ARHGEF3: variants seen among roughly 807,000 people sequenced by gnomAD.
The protein encoded by ARHGEF3 is 59.8 kDA protein.
Under a neutral mutation model 63.2 loss-of-function variants are expected in ARHGEF3, and 28 were observed. The observed-to-expected ratio is 0.44, with a 90% confidence interval of 0.33 to 0.61. The LOEUF is 0.61. Among genes scored for constraint, ARHGEF3 ranks in the 20% least tolerant of loss-of-function variants. The probability of loss-of-function intolerance (pLI) is 0.03; values close to 1 mark genes in which losing one functional copy is unlikely to be tolerated. For missense variants in ARHGEF3, 533 were observed against 659.3 expected, an observed-to-expected ratio of 0.81 and a Z score of 2.10; for synonymous variants, 266 against 254.2, an observed-to-expected ratio of 1.05 and a Z score of -0.44.
Position 56,729,223 on chromosome 3 carries a change from T to C in ARHGEF3, c.*47A>G, listed in dbSNP as rs371521696. On this transcript the variant is annotated 3_prime_UTR_variant, in exon 10 of 10. Transcript: ENST00000296315. ...CGTTCCATCTGTGGAATGCAAATAC[T>C]GTACAGGTAAGATGCAGGCCTGCTT... The C allele has an allele frequency of 4.7e-4, 715 of 1,518,400 alleles. 1 individual carries two copies. Among genetic ancestry groups the C allele is most frequent in the Non-Finnish European group, 6.0e-4 (671 of 1,117,734 alleles). The allele number at this position is 1,518,400 out of a possible 1,614,324, so 94.1% of individuals were successfully genotyped here.
chr3:57,056,115 C>G (rs375094433), intron 1 of ARHGEF3, among the ~76,000 whole-genome samples: 4 of 151,894 alleles, frequency 2.6e-5, no homozygotes, highest in African/African-American at 9.7e-5. Flanking sequence ...AGGCCGGGTG[C>G]GGTGGCTCAC....
At chr3:57,011,303 CT>C (rs1167838136) in intron 2 of ARHGEF3, among the ~76,000 whole-genome samples, 1 of 152,212 alleles carries the variant, frequency 6.6e-6, no homozygotes, top group African/African-American at 2.4e-5. Context: ...TTTTTCTGCC[CT>C]AGCGGTGAAC....
chr3:57,014,227 G>C (rs192051942), intron 2 of ARHGEF3, among the ~76,000 whole-genome samples: 1 of 152,180 alleles, frequency 6.6e-6, no homozygotes, highest in Non-Finnish European at 1.5e-5. Flanking sequence ...CTGAATATCC[G>C]AAGGAACAAA....
At chr3:56,759,174 A>ATTTTT (rs35855808) in intron 2 of ARHGEF3, among the ~76,000 whole-genome samples, 3 of 128,170 alleles carry the variant, frequency 2.3e-5, no homozygotes, top group Non-Finnish European at 5.0e-5. Flanking sequence ...AGAAAACTGA[A>ATTTTT]TTTTTTTTTT....
In ARHGEF3 at chr3:56,785,872, A is replaced by G. The variant is rs544725304; in HGVS notation, c.97-12056T>C. Among the ~76,000 whole-genome samples the G allele has an allele frequency of 3.3e-5, 5 of 152,346 alleles. No individual in the cohort carries two copies. In the East Asian group the frequency reaches 9.6e-4, roughly 29 times the overall value. On this transcript the variant is annotated intron_variant, in intron 1 of 9. Coordinates refer to ENST00000296315, the MANE Select transcript of ARHGEF3 (RefSeq NM_019555.3). The stretch of plus-strand genomic sequence containing the variant: ...ACTACAGGGACGTCTGACCAAGGGC[A>G]CTGGGTCTGCAGAAGAAAATGGATC...
At chr3:56,888,947 G>A (rs1164058593) in intron 3 of ARHGEF3, among the ~76,000 whole-genome samples, 1 of 151,922 alleles carries the variant, frequency 6.6e-6, no homozygotes, top group Non-Finnish European at 1.5e-5. Flanking sequence ...ATGACCAGGG[G>A]GTCCCTTTGC....
chr3:56,905,420 A>AT (rs1347862391), intron 3 of ARHGEF3, among the ~76,000 whole-genome samples: 1 of 152,202 alleles, frequency 6.6e-6, no homozygotes, highest in African/African-American at 2.4e-5. Context: ...GAAATAATCA[A>AT]TTTTTTTCAG....
At chr3:56,995,667 GAGA>G in intron 2 of ARHGEF3, among the ~76,000 whole-genome samples, 1 of 121,768 alleles carries the variant, frequency 8.2e-6, no homozygotes. Context: ...GAGAGAGAGA[GAGA>G]GAATTTTTTT....
At chr3:56,898,583 C>A in intron 3 of ARHGEF3, 1 of 268,436 alleles carries the variant, frequency 3.7e-6, no homozygotes, top group South Asian at 2.9e-5. Flanking sequence ...TAAAGCAGAT[C>A]CTGGAGCAAA....
chr3:56,775,492 G>GGTA lies in ARHGEF3; in HGVS notation c.97-1679_97-1677dup, dbSNP rs1423725534. 4.0e-6 allele frequency: 4 copies of GGTA among 997,686 alleles called. No individual in the cohort carries two copies. The African/African-American group carries it at 7.0e-5, about 17-fold the overall frequency. 61.8% of individuals were successfully genotyped at this position (997,686 alleles called of 1,614,324 possible). A position where few individuals can be genotyped will look rare whatever the true frequency, so the allele number is the denominator to read the frequency against. ...GACGGAGAATGCAACCAGGCTGCTG[G>GGTA]GTACCTCTCCAGCTTCTTAGCGTGC... On this transcript the variant is annotated intron_variant, in intron 1 of 9. Transcript: ENST00000296315.
chr3:56,908,054 A>G (rs1305249776), intron 3 of ARHGEF3, among the ~76,000 whole-genome samples: 1 of 152,180 alleles, frequency 6.6e-6, no homozygotes, highest in African/African-American at 2.4e-5. Context: ...CTACAAAGAA[A>G]AAGAGCCTCC....
intron 2 of ARHGEF3, among the ~76,000 whole-genome samples, chr3:56,967,461 T>TAC (rs1700587326): frequency 1.5e-5 from 1 of 65,652 alleles, no homozygotes; most frequent in Non-Finnish European, 2.5e-5. Context: ...ATACATATTA[T>TAC]ATATTATATA....
intron 3 of ARHGEF3, among the ~76,000 whole-genome samples, chr3:56,933,821 T>C (rs112313549): frequency 0.019 from 2,907 of 152,284 alleles, 68 homozygotes; most frequent in Non-Finnish European, 0.027. Flanking sequence ...TCCTCTCAAA[T>C]TGTAATCCCC....
rs567141389 is a variant in ARHGEF3, at chr3:57,069,412, T to C, written c.-28+9814A>G. On this transcript the variant is annotated intron_variant, in intron 1 of 12. Coordinates refer to the ARHGEF3 transcript ENST00000338458. ...ACACACACACACACACACACACACA[T>C]TGTTTGTTTAAAATGAGAGCTCCTC... Among the ~76,000 whole-genome samples the C allele has an allele frequency of 2.5e-3, 261 of 105,544 alleles. 5 individuals carry two copies. The highest frequency in any genetic ancestry group is 0.019 in the Admixed American group (220 of 11,486). 69.2% of individuals were successfully genotyped at this position (105,544 alleles called of 152,430 possible). A position where few individuals can be genotyped will look rare whatever the true frequency, so the allele number is the denominator to read the frequency against.
intron 6 of ARHGEF3, among the ~76,000 whole-genome samples, chr3:56,749,217 TG>T (rs1439191091): frequency 3.3e-5 from 5 of 152,232 alleles, no homozygotes; most frequent in Non-Finnish European, 7.3e-5. Flanking sequence ...AGTCCTCATT[TG>T]ATGTCTGAAG....
chr3:56,755,064 G>T lies in ARHGEF3; in HGVS notation c.292C>A (p.Arg98=). 6.2e-7 allele frequency: 1 copy of T among 1,614,082 alleles called. No homozygotes were observed. Residue 98 remains arginine (R), a synonymous_variant, in exon 3 of 10, where the codon CGG becomes AGG. Transcript: ENST00000296315. ...SRNAAPSSTK[R]RDSKLWSETF... is the part of the protein sequence containing the mutation. ...TCACTCCACAGCTTGCTATCTCTCC[G>T]TTTCGTGCTCGAGGGGGCGGCATTT...
chr3:57,042,700 A>ATTTTTTTTTTTT (rs869145503), intron 1 of ARHGEF3, among the ~76,000 whole-genome samples: 18 of 66,114 alleles, frequency 2.7e-4, no homozygotes, highest in South Asian at 5.7e-4. Flanking sequence ...ATATATATAT[A>ATTTTTTTTTTTT]TTTTTTTTTT....
intron 4 of ARHGEF3, among the ~76,000 whole-genome samples, chr3:56,864,505 T>C (rs1030849620): frequency 6.6e-6 from 1 of 152,218 alleles, no homozygotes; most frequent in Non-Finnish European, 1.5e-5. Context: ...TCTCTTTTCT[T>C]CAAAGCTTTT....
At chr3:56,822,321 C>A (rs1356758469) in intron 4 of ARHGEF3, among the ~76,000 whole-genome samples, 3 of 152,166 alleles carry the variant, frequency 2.0e-5, no homozygotes, top group Non-Finnish European at 4.4e-5. Flanking sequence ...AGGGCCCACA[C>A]TTTCCAGTCC....
Sources: gnomAD v4.1 joint callset for allele counts (sites outside exome capture counted in the v4.1 genomes callset) on GRCh38, gnomAD v4.1.1 for gene constraint, MANE v1.5 for transcripts, NCBI Gene and HGNC (gene_info 2026-07-23, HGNC 2026-07-21) for gene names.